MLIP: variants seen among roughly 807,000 people sequenced by gnomAD.
MLIP encodes muscular LMNA interacting protein.
In MLIP, 79 loss-of-function variants were observed where a neutral mutation model predicts 84.8. The observed-to-expected ratio is 0.93, with a 90% CI of 0.78 to 1.12. The LOEUF (loss-of-function observed/expected upper bound fraction) is 1.12. MLIP is among the 50% of genes most tolerant of loss of function. The pLI, the probability that MLIP is intolerant of heterozygous loss-of-function variation, is 0.00. For missense variants in MLIP, 1,257 were observed against 1,160.6 expected, an observed-to-expected ratio of 1.08 and a Z score of -1.21; for synonymous variants, 504 against 463.0, an observed-to-expected ratio of 1.09 and a Z score of -1.14.
chr6:54,220,331 T>TA (rs1389235079), intron 11 of MLIP, among the ~76,000 whole-genome samples: 28 of 152,202 alleles, frequency 1.8e-4, no homozygotes, highest in African/African-American at 6.8e-4. Context: ...CAGTACTGTT[T>TA]AAAGACACAA....
At chr6:54,070,800 G>T (rs1766439206) in intron 1 of MLIP, among the ~76,000 whole-genome samples, 1 of 151,982 alleles carries the variant, frequency 6.6e-6, no homozygotes, top group Non-Finnish European at 1.5e-5. Context: ...TTTCAAAGTA[G>T]TAATGAGAAC....
At position 54,050,422 on chromosome 6, in the gene MLIP, A is replaced by G. The variant is rs182200775; in HGVS notation, c.63+31331A>G. Among the ~76,000 whole-genome samples the G allele has an allele frequency of 2.0e-5, 3 of 152,268 alleles. No homozygotes were observed. In the East Asian group the frequency reaches 5.8e-4, roughly 29 times the overall value. On this transcript the variant is annotated intron_variant, in intron 1 of 12. Coordinates refer to the MLIP transcript ENST00000274897. ...TTTGCACACCATGAATTCATTCTGC[A>G]TATAGTGTTTAGTACTCTTTTTTGG...
intron 1 of MLIP, chr6:54,047,220 A>G (rs943887648): frequency 6.6e-6 from 1 of 152,200 alleles, no homozygotes; most frequent in Non-Finnish European, 1.5e-5. Context: ...TTACAGAAAC[A>G]AAATTTGTGG....
intron 11 of MLIP, among the ~76,000 whole-genome samples, chr6:54,213,594 T>A (rs1856829): frequency 0.085 from 12,684 of 149,648 alleles, 662 homozygotes; most frequent in East Asian, 0.21. Context: ...CCCAGCTACT[T>A]GGGAGGCTGA....
chr6:54,196,233 AG>A (rs1042121055), intron 10 of MLIP, among the ~76,000 whole-genome samples: 8 of 152,148 alleles, frequency 5.3e-5, no homozygotes, highest in Non-Finnish European at 1.0e-4. Flanking sequence ...CATGACGTGC[AG>A]GTTTGTTACA....
At chr6:54,096,929 C>T (rs1054082190) in intron 1 of MLIP, among the ~76,000 whole-genome samples, 1 of 152,032 alleles carries the variant, frequency 6.6e-6, no homozygotes, top group Non-Finnish European at 1.5e-5. Context: ...AGAGAAGACT[C>T]CTGGTAGATC....
chr6:54,049,250 T>C (rs1765243566), intron 1 of MLIP, among the ~76,000 whole-genome samples: 1 of 152,146 alleles, frequency 6.6e-6, no homozygotes, highest in Admixed American at 6.6e-5. Context: ...ATTTAAACAA[T>C]ACTCCTCAGG....
chr6:54,096,996 G>T (rs772424318), intron 1 of MLIP, among the ~76,000 whole-genome samples: 1 of 152,160 alleles, frequency 6.6e-6, no homozygotes, highest in Admixed American at 6.5e-5. Context: ...AGGAAATGGA[G>T]CAACTGAGCC....
intron 5 of MLIP, among the ~76,000 whole-genome samples, chr6:54,154,425 T>C (rs2091981580): frequency 6.6e-6 from 1 of 152,144 alleles, no homozygotes; most frequent in South Asian, 2.1e-4. Context: ...GATTAGACAA[T>C]ACAATCACAA....
intron 12 of MLIP, among the ~76,000 whole-genome samples, chr6:54,251,645 ATATAATATATAATATAAATATATAT>A (rs1782514148): frequency 2.0e-5 from 2 of 100,550 alleles, no homozygotes; most frequent in African/African-American, 8.5e-5. Flanking sequence ...ATATTATAAC[ATATAATATATAATATAAATATATAT>A]TATAACATAT....
chr6:54,139,394 C>A (rs564462698), intron 4 of MLIP, among the ~76,000 whole-genome samples: 2 of 151,902 alleles, frequency 1.3e-5, no homozygotes, highest in Non-Finnish European at 2.9e-5. Context: ...TCAGGCCTGT[C>A]GGAAATATTT....
chr6:54,059,254 A>G (rs1765829614), intron 1 of MLIP, among the ~76,000 whole-genome samples: 1 of 152,208 alleles, frequency 6.6e-6, no homozygotes, highest in South Asian at 2.1e-4. Context: ...CTTAGGGCTC[A>G]GATTAACTCA....
chr6:54,065,663 G>A (rs1372038996), intron 1 of MLIP, among the ~76,000 whole-genome samples: 1 of 99,376 alleles, frequency 1.0e-5, no homozygotes, highest in Non-Finnish European at 2.9e-5. Context: ...TGAAGCGGTT[G>A]GGTGGATTTT....
At chr6:54,200,245 C>T (rs1778577808) in intron 10 of MLIP, among the ~76,000 whole-genome samples, 1 of 152,110 alleles carries the variant, frequency 6.6e-6, no homozygotes, top group Admixed American at 6.5e-5. Context: ...GATAAAGGGA[C>T]CCAGGCAGTC....
chr6:54,250,383 C>T (rs1782387442), intron 12 of MLIP, among the ~76,000 whole-genome samples: 1 of 151,974 alleles, frequency 6.6e-6, no homozygotes, highest in Admixed American at 6.6e-5. Flanking sequence ...GAATATAAAT[C>T]ATTCTATTAT....
chr6:54,176,383 G>A (rs963956621), intron 9 of MLIP, among the ~76,000 whole-genome samples: 22 of 151,546 alleles, frequency 1.5e-4, no homozygotes, highest in African/African-American at 5.3e-4. Flanking sequence ...TTGCTTTACT[G>A]GGAGACTTTT....
At chr6:54,225,661 T>C (rs1464258876) in intron 11 of MLIP, among the ~76,000 whole-genome samples, 2 of 152,146 alleles carry the variant, frequency 1.3e-5, no homozygotes, top group Non-Finnish European at 2.9e-5. Flanking sequence ...CAGAACTCAG[T>C]AGAACATTAA....
At chr6:54,117,946 AAACAAC>A (rs70980895) in intron 1 of MLIP, among the ~76,000 whole-genome samples, 1 of 141,664 alleles carries the variant, frequency 7.1e-6, no homozygotes, top group East Asian at 2.1e-4. Context: ...CTCTGTCTCA[AAACAAC>A]AACAACAACA....
intron 1 of MLIP, among the ~76,000 whole-genome samples, chr6:54,048,686 T>C (rs761088481): frequency 2.4e-4 from 37 of 152,206 alleles, no homozygotes; most frequent in South Asian, 6.2e-4. Flanking sequence ...AGTGGTTCCA[T>C]AGGGCACAGA....
Sources: allele counts gnomAD v4.1 joint callset (sites outside exome capture counted in the v4.1 genomes callset), GRCh38; gene constraint gnomAD v4.1.1; transcripts MANE v1.5; gene names NCBI Gene and HGNC (gene_info 2026-07-23, HGNC 2026-07-21).